MARCHF11: variants seen among roughly 807,000 people sequenced by gnomAD.
MARCHF11 encodes membrane associated ring-CH-type finger 11.
MARCHF11 carries 29 observed loss-of-function variants against 37.3 expected under a neutral mutation model. The observed-to-expected ratio is 0.78, with a 90% CI of 0.58 to 1.06. The LOEUF (loss-of-function observed/expected upper bound fraction) is 1.06. Among genes scored for constraint, MARCHF11 ranks in the 50% least tolerant of loss-of-function variants. The pLI is 0.00. For synonymous variants in MARCHF11, 233 were observed against 228.0 expected, an observed-to-expected ratio of 1.02 and a Z score of -0.20; for missense variants, 482 against 533.4, an observed-to-expected ratio of 0.90 and a Z score of 0.95.
chr5:16,076,961 C>T (rs959913448), intron 3 of MARCHF11, among the ~76,000 whole-genome samples: 2 of 152,234 alleles, frequency 1.3e-5, no homozygotes, highest in African/African-American at 4.8e-5. Context: ...TTTTCTGTAA[C>T]AGCAAAGGCT....
At chr5:16,129,067 G>A (rs889223696) in intron 2 of MARCHF11, 4 of 152,146 alleles carry the variant, frequency 2.6e-5, no homozygotes, top group African/African-American at 9.7e-5. Context: ...GGGTTGGTCA[G>A]AAGACAAGCT....
chr5:16,148,866 A>AGGAT (rs980781146), intron 2 of MARCHF11, among the ~76,000 whole-genome samples: 1 of 152,188 alleles, frequency 6.6e-6, no homozygotes, highest in African/African-American at 2.4e-5. Flanking sequence ...TAAGTTTACC[A>AGGAT]GGATGGAAAT....
intron 2 of MARCHF11, among the ~76,000 whole-genome samples, chr5:16,112,256 A>T (rs1252694658): frequency 6.6e-6 from 1 of 152,158 alleles, no homozygotes; most frequent in Non-Finnish European, 1.5e-5. Flanking sequence ...TACCTGAAAA[A>T]GCCGCAAACA....
chr5:16,127,819 C>T (rs1207790762), intron 2 of MARCHF11, among the ~76,000 whole-genome samples: 1 of 152,168 alleles, frequency 6.6e-6, no homozygotes, highest in African/African-American at 2.4e-5. Context: ...TGTTCTCAAT[C>T]ACAGGATCTG....
At chr5:16,069,945 A>G (rs1223735749) in intron 3 of MARCHF11, among the ~76,000 whole-genome samples, 1 of 152,202 alleles carries the variant, frequency 6.6e-6, no homozygotes, top group Non-Finnish European at 1.5e-5. Flanking sequence ...CATGTGACTT[A>G]CAAGCATTCC....
At position 16,108,607 on chromosome 5, in the gene MARCHF11, T is replaced by A. The variant is rs185027847; in HGVS notation, c.694-17526A>T. Among the ~76,000 whole-genome samples the A allele has an allele frequency of 2.2e-3, 327 of 151,972 alleles. 5 individuals are homozygous for A. The highest frequency in any genetic ancestry group is 3.4e-3 in the Middle Eastern group (1 of 290). On this transcript the variant is annotated intron_variant, in intron 2 of 3. Coordinates refer to ENST00000332432, the MANE Select transcript of MARCHF11 (RefSeq NM_001102562.3). Reference sequence around the variant, plus strand: ...AAAAGATGAGGCCCAGAGGACCAGATATGTTTGCTTCCAGACGCCCCAGCT... The same window carrying A: ...AAAAGATGAGGCCCAGAGGACCAGAAATGTTTGCTTCCAGACGCCCCAGCT...
rs753691763 is a variant in MARCHF11, at chr5:16,177,759, A to G, written c.660T>C (p.His220=). ...WTCELCCYRY[H]VIAIKMKQPC... ...GTTGTTTCATTTTAATGGCTATAAC[A>G]TGGTATCTATAACAGCAAAGTTCAC... Residue 220 remains histidine (H), a synonymous_variant, in exon 2 of 4, where the codon CAT becomes CAC. Transcript: ENST00000332432. The G allele has an allele frequency of 1.9e-6, 3 of 1,612,136 alleles. No homozygotes were observed. Among genetic ancestry groups the G allele is most frequent in the African/African-American group, 2.7e-5 (2 of 74,886 alleles).
In MARCHF11 at chr5:16,067,381, T is replaced by C. The variant is rs1424020911; in HGVS notation, c.*90A>G. On this transcript the variant is annotated 3_prime_UTR_variant, in exon 4 of 4. Transcript: ENST00000332432. ...ATAAATTTTAAAAAGTTCATAGATG[T>C]GTTTTTAGAAGTGCTATGGTTTTGC... is the stretch of plus-strand genomic sequence containing the variant. 26 of 1,169,508 alleles carry C rather than the reference T, an allele frequency of 2.2e-5. No individual in the cohort carries two copies. The East Asian group carries it at 6.0e-4, about 27-fold the overall frequency. 72.4% of individuals were successfully genotyped at this position (1,169,508 alleles called of 1,614,324 possible). A position where few individuals can be genotyped will look rare whatever the true frequency, so the allele number is the denominator to read the frequency against.
At chr5:16,132,875 T>C (rs1737540474) in intron 2 of MARCHF11, among the ~76,000 whole-genome samples, 2 of 151,984 alleles carry the variant, frequency 1.3e-5, no homozygotes, top group Admixed American at 6.6e-5. Flanking sequence ...AAGAAAATAA[T>C]AAAACATAAT....
chr5:16,143,706 C>T (rs532047175), intron 2 of MARCHF11, among the ~76,000 whole-genome samples: 114 of 152,314 alleles, frequency 7.5e-4, no homozygotes, highest in African/African-American at 2.4e-3. Flanking sequence ...AAAAATTATG[C>T]AAGGTCAAAG....
At chr5:16,113,078 T>C (rs929618379) in intron 2 of MARCHF11, among the ~76,000 whole-genome samples, 2 of 152,152 alleles carry the variant, frequency 1.3e-5, no homozygotes, top group African/African-American at 2.4e-5. Flanking sequence ...GTACTCATGA[T>C]AGGAAATTGC....
chr5:16,072,497 T>G (rs1736455459), intron 3 of MARCHF11, among the ~76,000 whole-genome samples: 2 of 138,698 alleles, frequency 1.4e-5, no homozygotes, highest in South Asian at 2.4e-4. Context: ...CAGTGCTCTC[T>G]CTCTCTCTCA....
intron 2 of MARCHF11, among the ~76,000 whole-genome samples, chr5:16,122,106 A>T (rs1276669853): frequency 1.3e-5 from 2 of 152,102 alleles, no homozygotes; most frequent in Non-Finnish European, 2.9e-5. Flanking sequence ...TGTCTCTGAC[A>T]CCCCTACCCT....
chr5:16,068,973 C>T (rs1008564328), intron 3 of MARCHF11, among the ~76,000 whole-genome samples: 1 of 152,144 alleles, frequency 6.6e-6, no homozygotes, highest in African/African-American at 2.4e-5. Context: ...AGCAGTTAGA[C>T]CTTTGGGTAT....
Position 16,179,479 on chromosome 5 carries a change from TCGGCGGCGGCGG to T in MARCHF11, c.85_96del (p.Pro29_Pro32del), listed in dbSNP as rs1017917272. On this transcript the variant is annotated inframe_deletion, in exon 1 of 4. Coordinates refer to ENST00000332432, the MANE Select transcript of MARCHF11 (RefSeq NM_001102562.3). The stretch of plus-strand genomic sequence containing the variant: ...GGGGCCGGCTCTCCCGGCGGCGGCG[TCGGCGGCGGCGG>T]CGGGGGAGGTTGCGGGGGAGGCTCG... 28 of 1,131,526 alleles carry T rather than the reference TCGGCGGCGGCGG, an allele frequency of 2.5e-5. No homozygotes were observed. Among genetic ancestry groups the T allele is most frequent in the Non-Finnish European group, 2.7e-5 (25 of 925,660 alleles). 70.1% of individuals were successfully genotyped at this position (1,131,526 alleles called of 1,614,324 possible).
At chr5:16,132,801 GA>G (rs1470116995) in intron 2 of MARCHF11, among the ~76,000 whole-genome samples, 2 of 152,116 alleles carry the variant, frequency 1.3e-5, no homozygotes, top group African/African-American at 4.8e-5. Context: ...CTCTTCAAAT[GA>G]AAAGTTAGTA....
chr5:16,128,570 T>G (rs530753416), intron 2 of MARCHF11, among the ~76,000 whole-genome samples: 1 of 152,178 alleles, frequency 6.6e-6, no homozygotes, highest in Non-Finnish European at 1.5e-5. Context: ...ACCAGGGAAA[T>G]AGAATTTAAC....
chr5:16,080,257 C>T (rs1339050033), intron 3 of MARCHF11, among the ~76,000 whole-genome samples: 1 of 152,154 alleles, frequency 6.6e-6, no homozygotes, highest in Non-Finnish European at 1.5e-5. Context: ...CTTGACAGAA[C>T]ATCTGGCACT....
intron 2 of MARCHF11, among the ~76,000 whole-genome samples, chr5:16,092,203 A>ACT (rs780636975): frequency 1.3e-4 from 19 of 151,454 alleles, no homozygotes; most frequent in Non-Finnish European, 2.4e-4. Context: ...TCTCTCTGTC[A>ACT]CTCTCTCTCT....
Sources: gnomAD v4.1 joint callset for allele counts (sites outside exome capture counted in the v4.1 genomes callset) on GRCh38, gnomAD v4.1.1 for gene constraint, MANE v1.5 for transcripts, NCBI Gene and HGNC (gene_info 2026-07-23, HGNC 2026-07-21) for gene names.